Variants in RTL4 observed in about 807,000 individuals in gnomAD.
The protein encoded by RTL4 is retrotransposon Gag-like protein 4.
In RTL4, 4 loss-of-function variants were observed where a neutral mutation model predicts 5.3. That is an observed-to-expected ratio of 0.75 (90% CI 0.37 to 1.72). RTL4 has a LOEUF of 1.72. Among genes scored for constraint, RTL4 ranks in the 40% most tolerant of loss-of-function variants. RTL4 has a pLI of 0.04. For missense variants in RTL4, 260 were observed against 227.1 expected (o/e 1.14, Z -0.93); for synonymous variants, 98 against 87.3 (o/e 1.12, Z -0.68).
At chrX:112,209,725 C>T in the RTL4 span, among the ~76,000 whole-genome samples, 2 of 111,440 alleles carry the variant, frequency 1.8e-5, no homozygotes, top group East Asian at 2.8e-4. Context: ...CTGCTGGACC[C>T]GTGACCCACT....
chrX:112,183,529 C>A, the RTL4 span, among the ~76,000 whole-genome samples: 1 of 111,754 alleles, frequency 8.9e-6, no homozygotes, highest in African/African-American at 3.3e-5. Context: ...TCTGATAAAA[C>A]AGGCTTTAAA....
chrX:112,165,212 C>G, the RTL4 span, among the ~76,000 whole-genome samples: 1 of 112,271 alleles, frequency 8.9e-6, no homozygotes, highest in Admixed American at 9.4e-5. Flanking sequence ...TATTTCCATC[C>G]TTCTAAGATG....
chrX:112,239,941 C>G, the RTL4 span, among the ~76,000 whole-genome samples: 1 of 111,545 alleles, frequency 9.0e-6, no homozygotes, highest in East Asian at 2.8e-4. Flanking sequence ...TACCAAGAAC[C>G]AGGAAAATTA....
At chrX:112,230,634 T>C in the RTL4 span, among the ~76,000 whole-genome samples, 4 of 112,350 alleles carry the variant, frequency 3.6e-5, no homozygotes. Context: ...ACTGGAGCTG[T>C]TCCTATTCGG....
chrX:112,442,765 T>G, the RTL4 span, among the ~76,000 whole-genome samples: 1 of 110,967 alleles, frequency 9.0e-6, no homozygotes, highest in Admixed American at 9.6e-5. Context: ...TAAATCTTAT[T>G]TTTTTAATAA....
chrX:112,146,309 A>G, the RTL4 span, among the ~76,000 whole-genome samples: 1 of 110,906 alleles, frequency 9.0e-6, no homozygotes, highest in Non-Finnish European at 1.9e-5. Context: ...GGGAGCATTT[A>G]CTGAAATGAG....
chrX:112,095,466 G>A, the RTL4 span, among the ~76,000 whole-genome samples: 1 of 111,863 alleles, frequency 8.9e-6, no homozygotes, highest in Non-Finnish European at 1.9e-5. Flanking sequence ...ATTTATCCAG[G>A]GTTTTACCAA....
the RTL4 span, among the ~76,000 whole-genome samples, chrX:112,095,959 T>G: frequency 9.0e-6 from 1 of 111,423 alleles, no homozygotes; most frequent in African/African-American, 3.3e-5. Flanking sequence ...GGAGTGGTAG[T>G]GAGAAAGTGA....
the RTL4 span, among the ~76,000 whole-genome samples, chrX:112,215,731 T>C: frequency 8.9e-6 from 1 of 112,316 alleles, no homozygotes; most frequent in Non-Finnish European, 1.9e-5. Context: ...CTTTTGGCTA[T>C]TGTGAATGAA....
the RTL4 span, among the ~76,000 whole-genome samples, chrX:112,326,458 AC>A: frequency 8.9e-6 from 1 of 111,787 alleles, no homozygotes; most frequent in Non-Finnish European, 1.9e-5. Context: ...GCTTAAAAAA[AC>A]GGCGCACCAG....
chrX:112,149,171 G>T, the RTL4 span, among the ~76,000 whole-genome samples: 1 of 112,087 alleles, frequency 8.9e-6, no homozygotes, highest in South Asian at 3.8e-4. Context: ...TCCTTTAACA[G>T]ATATTTAATA....
the RTL4 span, among the ~76,000 whole-genome samples, chrX:112,225,402 T>C: frequency 3.6e-5 from 4 of 112,252 alleles, no homozygotes; most frequent in Non-Finnish European, 5.6e-5. Context: ...GTGCTTTTTG[T>C]TGCCAACTTC....
the RTL4 span, among the ~76,000 whole-genome samples, chrX:112,292,573 C>T: frequency 9.0e-6 from 1 of 111,680 alleles, no homozygotes; most frequent in African/African-American, 3.3e-5. Context: ...AAAGATGATT[C>T]CTTACCTAAA....
the RTL4 span, among the ~76,000 whole-genome samples, chrX:112,151,768 A>C: frequency 9.0e-6 from 1 of 111,689 alleles, no homozygotes; most frequent in Non-Finnish European, 1.9e-5. Flanking sequence ...TAATCCGTTC[A>C]AAGCAATGAC....
the RTL4 span, among the ~76,000 whole-genome samples, chrX:112,394,883 A>T: frequency 1.8e-5 from 2 of 112,132 alleles, no homozygotes; most frequent in Non-Finnish European, 3.8e-5. Context: ...TTACAAGGAG[A>T]TTTAAAATTT....
the RTL4 span, among the ~76,000 whole-genome samples, chrX:112,439,427 T>G: frequency 2.7e-5 from 3 of 111,822 alleles, no homozygotes; most frequent in Admixed American, 9.5e-5. Flanking sequence ...CTCCTTGAAT[T>G]ACACAGAGTC....
At chrX:112,352,835 C>T in the RTL4 span, among the ~76,000 whole-genome samples, 11 of 111,163 alleles carry the variant, frequency 9.9e-5, no homozygotes, top group East Asian at 5.7e-4. Context: ...ACAAATGGGA[C>T]CTAATTAAAC....
chrX:112,205,727 G>T, the RTL4 span, among the ~76,000 whole-genome samples: 1 of 111,766 alleles, frequency 8.9e-6, no homozygotes, highest in African/African-American at 3.2e-5. Flanking sequence ...AGTAATGAGT[G>T]CCCAATGGTA....
At chrX:112,451,441 A>ATG (rs1319755815), upstream of RTL4, among the ~76,000 whole-genome samples, 3 of 111,390 alleles carry the variant, frequency 2.7e-5, no homozygotes, top group Middle Eastern at 9.2e-3. Flanking sequence ...CGAGGCTGCA[A>ATG]TGAACTGTGA....
Sources: allele counts gnomAD v4.1 joint callset (sites outside exome capture counted in the v4.1 genomes callset), GRCh38; gene constraint gnomAD v4.1.1; transcripts MANE v1.5; gene names NCBI Gene and HGNC (gene_info 2026-07-23, HGNC 2026-07-21).